The following TMEM80 variants were observed in gnomAD, a reference collection of about 807,000 sequenced individuals.
TMEM80 encodes the protein transmembrane protein 80.
A neutral mutation model predicts 13.6 loss-of-function variants in TMEM80; 16 were observed. The observed-to-expected ratio is 1.17, with a 90% CI of 0.79 to 1.78. TMEM80 has a LOEUF of 1.78. Ranked by LOEUF, TMEM80 falls within the 40% of genes most tolerant of loss-of-function variation. The pLI is 0.00. For missense variants in TMEM80, 167 were observed against 184.6 expected, an observed-to-expected ratio of 0.90 and a Z score of 0.55; for synonymous variants, 92 against 89.5, an observed-to-expected ratio of 1.03 and a Z score of -0.16.
Position 703,415 on chromosome 11 carries a change from C to T in TMEM80, c.*265C>T, listed in dbSNP as rs1473251122. 2.3e-6 allele frequency: 3 copies of T among 1,320,550 alleles called. No homozygotes were observed. The highest frequency in any genetic ancestry group is 2.9e-6 in the Non-Finnish European group (3 of 1,039,906). The allele number at this position is 1,320,550 out of a possible 1,614,324, so 81.8% of individuals were successfully genotyped here. ...CTTCAAGATGAGTCCCAGGAGCGCACACTCAGCCCTGTCAGTGGGGTCTGG... is the reference window on the plus strand; with the variant it reads ...CTTCAAGATGAGTCCCAGGAGCGCATACTCAGCCCTGTCAGTGGGGTCTGG... On this transcript the variant is annotated 3_prime_UTR_variant, in exon 5 of 5. Transcript: ENST00000397510.
chr11:695,797 T>C, upstream of TMEM80: 1 of 1,235,368 alleles, frequency 8.1e-7, no homozygotes. Flanking sequence ...GCTGCCGGGA[T>C]CGCGACGGAC....
rs541810179 is a variant in TMEM80, at chr11:703,718, G to A, written c.*568G>A. 8.1e-7 allele frequency: 1 copy of A among 1,232,358 alleles called. No individual in the cohort carries two copies. The highest frequency in any genetic ancestry group is 1.6e-5 in the African/African-American group (1 of 64,428). The allele number at this position is 1,232,358 out of a possible 1,614,324, so 76.3% of individuals were successfully genotyped here. A position where few individuals can be genotyped will look rare whatever the true frequency, so the allele number is the denominator to read the frequency against. On this transcript the variant is annotated 3_prime_UTR_variant, in exon 5 of 5. Transcript: ENST00000397510. ...CAGGCCCGGTGCAAGAGTGGACTCT[G>A]GGTTCCTAAAGCAATAAATGCAAAC...
chr11:696,176 C>G (rs1800879639), intron 1 of TMEM80, among the ~76,000 whole-genome samples: 1 of 152,134 alleles, frequency 6.6e-6, no homozygotes, highest in Non-Finnish European at 1.5e-5. Flanking sequence ...CGCAGGGTTT[C>G]GGTAGCCTTG....
At chr11:697,022 G>A (rs1331793960) in intron 1 of TMEM80, among the ~76,000 whole-genome samples, 1 of 150,974 alleles carries the variant, frequency 6.6e-6, no homozygotes, top group African/African-American at 2.4e-5. Context: ...TGGTGGGGGG[G>A]GTGGGGTGCG....
At chr11:701,702 C>T (rs1395977235) in intron 4 of TMEM80, among the ~76,000 whole-genome samples, 1 of 152,134 alleles carries the variant, frequency 6.6e-6, no homozygotes, top group Non-Finnish European at 1.5e-5. Context: ...AGCCACCGCG[C>T]CCGGCCGGAG....
Position 703,160 on chromosome 11 carries a change from C to G in TMEM80, c.*10C>G, listed in dbSNP as rs764697658. 5 of 1,594,502 alleles carry G rather than the reference C, an allele frequency of 3.1e-6. No homozygotes were observed. In the African/African-American group the frequency reaches 6.7e-5, roughly 21 times the overall value. On this transcript the variant is annotated 3_prime_UTR_variant, in exon 5 of 5. Coordinates refer to ENST00000397510, the MANE Select transcript of TMEM80 (RefSeq NM_001042463.3). ...GGCCTTCACCAGGTAGCTACGGACA[C>G]CCGGGATACCCCACACTGGGGCCCT...
intron 1 of TMEM80, 93 bp from the exon 2 acceptor site, chr11:698,776 T>C: frequency 1.4e-6 from 2 of 1,451,130 alleles, no homozygotes; most frequent in Non-Finnish European, 1.9e-6. Flanking sequence ...CAAAGGAAAA[T>C]AAAGCAGGGG....
intron 2 of TMEM80, chr11:699,128 T>G (rs1861332086): frequency 4.0e-6 from 2 of 502,162 alleles, no homozygotes; most frequent in Non-Finnish European, 7.1e-6. Flanking sequence ...CACTGCCGGC[T>G]CCCAAGGCGA....
At chr11:700,260 C>T (rs1000695264) in intron 3 of TMEM80, 25 bp downstream of exon 3, 2 of 1,596,486 alleles carry the variant, frequency 1.3e-6, no homozygotes, top group Admixed American at 1.7e-5. Flanking sequence ...GGCACAGTGG[C>T]TCACGCCTGT....
intron 1 of TMEM80, among the ~76,000 whole-genome samples, chr11:697,121 C>T (rs1293071905): frequency 1.5e-5 from 2 of 136,038 alleles, no homozygotes; most frequent in African/African-American, 2.7e-5. Context: ...AAAATTACCT[C>T]AGGGAGCCTG....
At chr11:697,499 C>A (rs1030078858) in intron 1 of TMEM80, 2 of 152,158 alleles carry the variant, frequency 1.3e-5, no homozygotes, top group Admixed American at 6.5e-5. Context: ...TATAGCCGCC[C>A]TTCATATTAA....
At position 702,987 on chromosome 11, in the gene TMEM80, C is replaced by G. The variant is rs200575348; in HGVS notation, c.269C>G (p.Ala90Gly). The G allele has an allele frequency of 6.8e-6, 11 of 1,611,106 alleles. No homozygotes were observed. Among genetic ancestry groups the G allele is most frequent in the Non-Finnish European group, 9.3e-6 (11 of 1,179,342 alleles). The change falls in exon 5 of 5, where the codon GCC becomes GGC. Residue 90 changes from alanine to glycine, a missense_variant. Physicochemically the swap from Ala to Gly is moderately conservative, Grantham distance 60 (BLOSUM62 0). Transcript: ENST00000397510. ...NLTEAERPLA[A>G]SLALTAGTAL... is the part of the protein sequence containing the mutation. ...ACAGAGGCTGAGAGGCCGCTGGCCGCCAGCCTGGCCCTCACGGCTGGCACC... is the reference window on the plus strand; with the variant it reads ...ACAGAGGCTGAGAGGCCGCTGGCCGGCAGCCTGGCCCTCACGGCTGGCACC...
intron 2 of TMEM80, chr11:699,908 G>T: frequency 1.9e-6 from 1 of 537,896 alleles, no homozygotes; most frequent in African/African-American, 1.9e-5. Flanking sequence ...TGCACAGACC[G>T]CATTGTTGTG....
At chr11:696,274 A>G (rs1196191319) in intron 1 of TMEM80, among the ~76,000 whole-genome samples, 1 of 152,006 alleles carries the variant, frequency 6.6e-6, no homozygotes, top group Admixed American at 6.6e-5. Flanking sequence ...GGGACAGACC[A>G]AAGCAGTAAA....
At chr11:700,476 A>T (rs1861399446) in intron 3 of TMEM80, 139 bp from the exon 4 acceptor site, 2 of 799,466 alleles carry the variant, frequency 2.5e-6, no homozygotes, top group Non-Finnish European at 4.3e-6. Context: ...CCAGTGAGCC[A>T]AGATTGCGCC....
At chr11:695,795 G>C (rs1472540030), upstream of TMEM80, 1 of 1,235,898 alleles carries the variant, frequency 8.1e-7, no homozygotes, top group Non-Finnish European at 1.0e-6. Context: ...AGGCTGCCGG[G>C]ATCGCGACGG....
chr11:702,901 G>T, intron 4 of TMEM80, 44 bp from the exon 5 acceptor site: 1 of 1,550,416 alleles, frequency 6.4e-7, no homozygotes, highest in Admixed American at 1.8e-5. Flanking sequence ...GGGCTCCAGG[G>T]AGCGCCTCGC....
chr11:704,954 G>C, downstream of TMEM80: 1 of 337,296 alleles, frequency 3.0e-6, no homozygotes, highest in Admixed American at 4.2e-5. Flanking sequence ...CTGAGCTCTG[G>C]GTCAGGGCAA....
intron 4 of TMEM80, among the ~76,000 whole-genome samples, chr11:702,234 G>T (rs1300095437): frequency 2.0e-5 from 3 of 152,252 alleles, no homozygotes; most frequent in Non-Finnish European, 2.9e-5. Flanking sequence ...CCGGCCGTCA[G>T]TGTCTTGTCT....
Sources: allele counts gnomAD v4.1 joint callset (sites outside exome capture counted in the v4.1 genomes callset), GRCh38; gene constraint gnomAD v4.1.1; transcripts MANE v1.5; gene names NCBI Gene and HGNC (gene_info 2026-07-23, HGNC 2026-07-21).